Variants in ACTR3B observed in about 807,000 individuals in gnomAD.
The protein encoded by ACTR3B is actin-related protein 3B.
A neutral mutation model predicts 59.0 loss-of-function variants in ACTR3B; 8 were observed. The ratio of observed to expected loss-of-function variants is 0.14; its 90% CI spans 0.08 to 0.24. The LOEUF (loss-of-function observed/expected upper bound fraction) is 0.24. Ranked by LOEUF, ACTR3B falls within the 10% of genes least tolerant of loss-of-function variation. The pLI, the probability that ACTR3B is intolerant of heterozygous loss-of-function variation, is 1.00. For missense variants in ACTR3B, 245 were observed against 552.3 expected (o/e 0.44, Z 5.58); for synonymous variants, 148 against 197.9 (o/e 0.75, Z 2.12).
intron 2 of ACTR3B, among the ~76,000 whole-genome samples, chr7:152,787,745 G>T (rs1001183783): frequency 6.6e-6 from 1 of 151,878 alleles, no homozygotes; most frequent in Non-Finnish European, 1.5e-5. Context: ...ATTTATCTGT[G>T]TTCCGTACGT....
chr7:152,775,905 G>A (rs887931747), intron 1 of ACTR3B, among the ~76,000 whole-genome samples: 13 of 152,144 alleles, frequency 8.5e-5, no homozygotes, highest in African/African-American at 3.1e-4. Context: ...ATATTGCTTT[G>A]AATTTTGAGC....
rs974386903 is a variant in ACTR3B, at chr7:152,760,000, A to G, written c.44+74A>G. 25 of 1,234,464 alleles carry G rather than the reference A, an allele frequency of 2.0e-5. No homozygotes were observed. In the Admixed American group the frequency reaches 3.2e-4, roughly 16 times the overall value. 76.5% of individuals were successfully genotyped at this position (1,234,464 alleles called of 1,614,324 possible). ...GGCCCCTGGCGTCCACCTCGCCTGG[A>G]GGTCGAGCTGCGTCCGTCGCCCCGG... On this transcript the variant is annotated intron_variant, in intron 1 of 11. Transcript: ENST00000256001.
At chr7:152,808,523 A>T (rs1010542372) in intron 4 of ACTR3B, among the ~76,000 whole-genome samples, 2 of 151,942 alleles carry the variant, frequency 1.3e-5, no homozygotes, top group African/African-American at 2.4e-5. Context: ...GGTTAATCTG[A>T]TTCTTGTTGG....
At chr7:152,820,202 G>A (rs1234056913) in intron 6 of ACTR3B, 97 bp from the exon 7 acceptor site, 1 of 1,558,230 alleles carries the variant, frequency 6.4e-7, no homozygotes, top group Non-Finnish European at 8.7e-7. Context: ...GCCATGAGGG[G>A]CAGACAGGGA....
At chr7:152,825,606 C>G (rs1400469866) in intron 9 of ACTR3B, among the ~76,000 whole-genome samples, 1 of 152,164 alleles carries the variant, frequency 6.6e-6, no homozygotes, top group African/African-American at 2.4e-5. Flanking sequence ...CATGAGCCAC[C>G]ATGCCCGGCC....
In ACTR3B at chr7:152,779,456, C is replaced by T. The variant is rs546928602; in HGVS notation, c.45-3731C>T. The stretch of plus-strand genomic sequence containing the variant: ...TTGAGGAACACTTTGAGGACCTGGG[C>T]CATGTCCACCCGCCTCCCCTATCCT... On this transcript the variant is annotated intron_variant, in intron 1 of 11. Coordinates refer to ENST00000256001, the MANE Select transcript of ACTR3B (RefSeq NM_020445.6). 2.3e-3 allele frequency among the ~76,000 whole-genome samples: 357 copies of T among 152,270 alleles called. 2 individuals carry two copies. The highest frequency in any genetic ancestry group is 0.01 in the Middle Eastern group (3 of 294).
Position 152,819,113 on chromosome 7 carries a change from A to G in ACTR3B, c.541-1186A>G, listed in dbSNP as rs188482399. On this transcript the variant is annotated intron_variant, in intron 6 of 11. Transcript: ENST00000256001. Reference sequence around the variant, plus strand: ...AAGCTAATATTATTTTTATGGGTTTAAGTTGAGTTTTAGTAATTTATACTT... The same window carrying G: ...AAGCTAATATTATTTTTATGGGTTTGAGTTGAGTTTTAGTAATTTATACTT... Among the ~76,000 whole-genome samples the G allele has an allele frequency of 1.6e-4, 24 of 152,348 alleles. No homozygotes were observed. The East Asian group carries it at 4.2e-3, about 27-fold the overall frequency.
chr7:152,788,617 TG>T (rs555757423), intron 2 of ACTR3B, among the ~76,000 whole-genome samples: 39 of 152,148 alleles, frequency 2.6e-4, no homozygotes, highest in South Asian at 6.2e-4. Context: ...TTCACTATGT[TG>T]GCCAGGCTGG....
At chr7:152,775,168 G>A (rs2098133355) in intron 1 of ACTR3B, among the ~76,000 whole-genome samples, 1 of 137,618 alleles carries the variant, frequency 7.3e-6, no homozygotes, top group Admixed American at 7.5e-5. Flanking sequence ...TCCAGCCTGG[G>A]TGACAGAGTG....
chr7:152,829,366 C>T (rs1342894346), intron 9 of ACTR3B, among the ~76,000 whole-genome samples: 1 of 152,198 alleles, frequency 6.6e-6, no homozygotes, highest in Non-Finnish European at 1.5e-5. Context: ...CACTCCGCAG[C>T]CCCTGGTAAC....
chr7:152,791,365 G>A (rs2116676689), intron 2 of ACTR3B, among the ~76,000 whole-genome samples: 1 of 152,114 alleles, frequency 6.6e-6, no homozygotes, highest in East Asian at 1.9e-4. Flanking sequence ...TAGCTGAAGT[G>A]TTTTATTTTC....
intron 4 of ACTR3B, among the ~76,000 whole-genome samples, chr7:152,809,915 CT>C (rs56227383): frequency 0.6 from 90,399 of 150,828 alleles, 28,281 homozygotes; most frequent in East Asian, 0.75. Context: ...TTGAATTAAA[CT>C]TTTTTTTTTG....
chr7:152,767,213 GC>G (rs2098113166), intron 1 of ACTR3B, among the ~76,000 whole-genome samples: 2 of 151,844 alleles, frequency 1.3e-5, no homozygotes. Flanking sequence ...TGTGTGTGTG[GC>G]TATGGCTGTC....
In ACTR3B at chr7:152,830,662, C is replaced by A. The variant is rs1336452958; in HGVS notation, c.951+5540C>A. 3.9e-5 allele frequency among the ~76,000 whole-genome samples: 6 copies of A among 152,224 alleles called. No individual in the cohort carries two copies. The South Asian group carries it at 1.2e-3, about 32-fold the overall frequency. On this transcript the variant is annotated intron_variant, in intron 9 of 11. Coordinates refer to ENST00000256001, the MANE Select transcript of ACTR3B (RefSeq NM_020445.6). ...CTCCTGGGCTCAAGCAGTCCTCCCACCTCAGCCCCTCAAGTAGCTGGAACT... is the reference window on the plus strand; with the variant it reads ...CTCCTGGGCTCAAGCAGTCCTCCCAACTCAGCCCCTCAAGTAGCTGGAACT...
intron 1 of ACTR3B, among the ~76,000 whole-genome samples, chr7:152,761,719 G>T (rs1263165570): frequency 6.6e-6 from 1 of 152,204 alleles, no homozygotes; most frequent in African/African-American, 2.4e-5. Flanking sequence ...GAAGGAGCCT[G>T]AAAGAGCCCG....
chr7:152,784,538 C>T (rs2098165222), intron 2 of ACTR3B, among the ~76,000 whole-genome samples: 1 of 152,158 alleles, frequency 6.6e-6, no homozygotes, highest in Non-Finnish European at 1.5e-5. Flanking sequence ...TGATGACAGG[C>T]ATGATTGGTC....
At position 152,759,829 on chromosome 7, in the gene ACTR3B, G is replaced by C. The variant is rs950487139; in HGVS notation, c.-54G>C. The C allele has an allele frequency of 1.0e-5, 12 of 1,194,378 alleles. No homozygotes were observed. The highest frequency in any genetic ancestry group is 3.1e-6 in the Non-Finnish European group (3 of 961,042). 74.0% of individuals were successfully genotyped at this position (1,194,378 alleles called of 1,614,324 possible). The stretch of plus-strand genomic sequence containing the variant: ...GGGGCTAGCGGGCGGCGGAGCGGAC[G>C]GCGACGGGGCGCTCTCGGGCTGCCG... On this transcript the variant is annotated 5_prime_UTR_variant, in exon 1 of 12. Coordinates refer to ENST00000256001, the MANE Select transcript of ACTR3B (RefSeq NM_020445.6).
intron 1 of ACTR3B, among the ~76,000 whole-genome samples, chr7:152,765,353 G>A (rs1247736961): frequency 6.6e-6 from 1 of 151,328 alleles, no homozygotes; most frequent in Non-Finnish European, 1.5e-5. Context: ...CTGACCTCAG[G>A]TGATCTGCCT....
chr7:152,769,313 T>G (rs2098118636), intron 1 of ACTR3B, among the ~76,000 whole-genome samples: 1 of 152,220 alleles, frequency 6.6e-6, no homozygotes, highest in South Asian at 2.1e-4. Flanking sequence ...TAGAAATAAC[T>G]TGTCTCTTCA....
Sources: allele counts gnomAD v4.1 joint callset (sites outside exome capture counted in the v4.1 genomes callset), GRCh38; gene constraint gnomAD v4.1.1; transcripts MANE v1.5; gene names NCBI Gene and HGNC (gene_info 2026-07-23, HGNC 2026-07-21).